Variants in PLCB1 observed in about 807,000 individuals in gnomAD.
PLCB1 encodes 1-phosphatidylinositol 4,5-bisphosphate phosphodiesterase beta-1.
In PLCB1, 46 loss-of-function variants were observed where a neutral mutation model predicts 161.8. The observed-to-expected ratio is 0.28, with a 90% CI of 0.22 to 0.36. The LOEUF (loss-of-function observed/expected upper bound fraction) is 0.36, where lower values mean the gene tolerates loss of function less well. PLCB1 is among the 10% of genes least tolerant of loss of function. The probability of loss-of-function intolerance (pLI) is 1.00; values close to 1 mark genes in which losing one functional copy is unlikely to be tolerated. For synonymous variants in PLCB1, 517 were observed against 503.7 expected (o/e 1.03, Z -0.35); for missense variants, 1,016 against 1,472.5 (o/e 0.69, Z 5.07).
chr20:8,285,561 T>C (rs2123292023), intron 2 of PLCB1, among the ~76,000 whole-genome samples: 1 of 152,304 alleles, frequency 6.6e-6, no homozygotes, highest in East Asian at 1.9e-4. Flanking sequence ...ATCCAGACAC[T>C]TGAAGGACAT....
intron 2 of PLCB1, among the ~76,000 whole-genome samples, chr20:8,204,014 C>A (rs917154775): frequency 6.6e-6 from 1 of 152,130 alleles, no homozygotes; most frequent in African/African-American, 2.4e-5. Flanking sequence ...AACCTACTTG[C>A]AACCAAATCC....
At chr20:8,547,805 T>C (rs547263050) in intron 3 of PLCB1, among the ~76,000 whole-genome samples, 8 of 152,336 alleles carry the variant, frequency 5.3e-5, no homozygotes, top group Admixed American at 2.6e-4. Flanking sequence ...GCAATCACTT[T>C]CATTGCTTTT....
At chr20:8,881,532 C>T (rs1987988782) in intron 31 of PLCB1, 90 bp from the exon 32 acceptor site, 1 of 947,238 alleles carries the variant, frequency 1.1e-6, no homozygotes, top group Admixed American at 1.9e-5. Context: ...TCATCAGCCC[C>T]TTTTGTATAT....
chr20:8,247,715 A>G (rs1980950373), intron 2 of PLCB1, among the ~76,000 whole-genome samples: 2 of 151,646 alleles, frequency 1.3e-5, no homozygotes, highest in African/African-American at 2.4e-5. Context: ...ATATTTTTTT[A>G]CTCTCAAAAG....
intron 24 of PLCB1, among the ~76,000 whole-genome samples, chr20:8,758,853 T>C (rs2123567557): frequency 6.6e-6 from 1 of 152,244 alleles, no homozygotes; most frequent in Non-Finnish European, 1.5e-5. Context: ...ACAGAATACA[T>C]TGCAAAAATA....
chr20:8,383,348 C>A (rs905114425), intron 3 of PLCB1, among the ~76,000 whole-genome samples: 3 of 152,152 alleles, frequency 2.0e-5, no homozygotes, highest in East Asian at 3.9e-4. Context: ...AGGAATGCAA[C>A]CCCTGCTTTT....
At chr20:8,480,967 G>A (rs1982474414) in intron 3 of PLCB1, among the ~76,000 whole-genome samples, 1 of 152,110 alleles carries the variant, frequency 6.6e-6, no homozygotes, top group South Asian at 2.1e-4. Flanking sequence ...AGCTGGGCGT[G>A]GTGGTGCGTA....
At chr20:8,831,903 TCTTTCTTTC>T (rs1466660252) in intron 31 of PLCB1, among the ~76,000 whole-genome samples, 5 of 83,828 alleles carry the variant, frequency 6.0e-5, no homozygotes, top group Non-Finnish European at 7.9e-5. Context: ...TTTCTCCCTC[TCTTTCTTTC>T]TCTTTCTTTC....
Position 8,726,538 on chromosome 20 carries a change from G to A in PLCB1, c.1679-771G>A, listed in dbSNP as rs146399824. On this transcript the variant is annotated intron_variant, in intron 16 of 31. Coordinates refer to ENST00000338037, the MANE Select transcript of PLCB1 (RefSeq NM_015192.4). ...GAGGCGGAAGGCACCTCTTCACAGG[G>A]CAGCAGGAGAGAGAATGAGTACAGG... Among the ~76,000 whole-genome samples, 605 of 152,200 alleles carry A rather than the reference G, an allele frequency of 4.0e-3. 3 individuals are homozygous for A. Among genetic ancestry groups the A allele is most frequent in the African/African-American group, 0.014 (580 of 41,536 alleles).
At chr20:8,633,104 ACAC>A (rs1254141182) in intron 4 of PLCB1, among the ~76,000 whole-genome samples, 2 of 1,754 alleles carry the variant, frequency 1.1e-3, no homozygotes, top group African/African-American at 4.3e-3. Context: ...ATGTATGTAC[ACAC>A]ACACACACAC....
intron 3 of PLCB1, among the ~76,000 whole-genome samples, chr20:8,424,889 C>T (rs911247021): frequency 7.9e-5 from 12 of 152,018 alleles, no homozygotes; most frequent in African/African-American, 2.9e-4. Flanking sequence ...GGAATGGACT[C>T]GAGCCACAAG....
At chr20:8,205,060 A>G (rs1308915411) in intron 2 of PLCB1, among the ~76,000 whole-genome samples, 2 of 152,174 alleles carry the variant, frequency 1.3e-5, no homozygotes, top group African/African-American at 4.8e-5. Context: ...GTTGCCTTAA[A>G]TTCTTTATGA....
At chr20:8,308,329 A>G (rs16994609) in intron 2 of PLCB1, among the ~76,000 whole-genome samples, 6,655 of 151,948 alleles carry the variant, frequency 0.044, 379 homozygotes, top group East Asian at 0.11. Context: ...AGAACTATGA[A>G]TGTTCAGCCG....
intron 3 of PLCB1, among the ~76,000 whole-genome samples, chr20:8,530,462 GA>G (rs1288598799): frequency 6.6e-5 from 10 of 151,860 alleles, no homozygotes. Context: ...GAATTGTTTA[GA>G]AGTATGTTTT....
At chr20:8,814,167 T>C (rs543468006) in intron 31 of PLCB1, among the ~76,000 whole-genome samples, 88 of 152,336 alleles carry the variant, frequency 5.8e-4, no homozygotes, top group African/African-American at 2.0e-3. Flanking sequence ...TTAAGTCTTA[T>C]TAGCAAAAGT....
At chr20:8,414,908 C>T (rs181881831) in intron 3 of PLCB1, among the ~76,000 whole-genome samples, 13 of 151,986 alleles carry the variant, frequency 8.6e-5, no homozygotes, top group Admixed American at 6.5e-4. Context: ...TGGCTCCCAC[C>T]CAGACCTACT....
chr20:8,404,825 T>A (rs1021838366), intron 3 of PLCB1, among the ~76,000 whole-genome samples: 4 of 152,302 alleles, frequency 2.6e-5, no homozygotes, highest in Middle Eastern at 3.4e-3. Context: ...TTTAACACCA[T>A]GGCATAATTA....
At chr20:8,874,260 A>ACACACACAC (rs1456388775) in intron 31 of PLCB1, among the ~76,000 whole-genome samples, 2 of 148,528 alleles carry the variant, frequency 1.3e-5, no homozygotes, top group East Asian at 2.0e-4. Flanking sequence ...ACACACGCAC[A>ACACACACAC]ACAGATGCTC....
chr20:8,398,660 C>A (rs74457001), intron 3 of PLCB1, among the ~76,000 whole-genome samples: 6 of 152,178 alleles, frequency 3.9e-5, no homozygotes, highest in Admixed American at 3.9e-4. Context: ...TCCCAAAGTC[C>A]CTACCTCCAA....
Sources: allele counts gnomAD v4.1 joint callset (sites outside exome capture counted in the v4.1 genomes callset), GRCh38; gene constraint gnomAD v4.1.1; transcripts MANE v1.5; gene names NCBI Gene and HGNC (gene_info 2026-07-23, HGNC 2026-07-21).